Variants in SEMA3E observed in about 807,000 individuals in gnomAD.
SEMA3E encodes the protein semaphorin 3E.
SEMA3E carries 49 observed loss-of-function variants against 93.6 expected under a neutral mutation model. The ratio of observed to expected loss-of-function variants is 0.52; its 90% CI spans 0.42 to 0.66. SEMA3E has a LOEUF of 0.66. Ranked by LOEUF, SEMA3E falls within the 30% of genes least tolerant of loss-of-function variation. SEMA3E has a pLI of 0.00. For missense variants in SEMA3E, 906 were observed against 964.8 expected (o/e 0.94, Z 0.81); for synonymous variants, 363 against 330.7 (o/e 1.10, Z -1.06).
chr7:83,454,590 G>A (rs1789443897), intron 4 of SEMA3E, among the ~76,000 whole-genome samples: 1 of 151,804 alleles, frequency 6.6e-6, no homozygotes, highest in African/African-American at 2.4e-5. Context: ...ATATCCCAAT[G>A]AGTTTACTTT....
intron 1 of SEMA3E, among the ~76,000 whole-genome samples, chr7:83,633,649 A>T (rs944583835): frequency 2.6e-5 from 4 of 152,198 alleles, no homozygotes; most frequent in Non-Finnish European, 5.9e-5. Flanking sequence ...TTAGATGCCA[A>T]AGTAAGCCAA....
At chr7:83,637,658 GC>G (rs1276291985) in intron 1 of SEMA3E, among the ~76,000 whole-genome samples, 1 of 152,056 alleles carries the variant, frequency 6.6e-6, no homozygotes, top group Admixed American at 6.6e-5. Flanking sequence ...TTCTTCTGCT[GC>G]CATATGAGGA....
At chr7:83,559,809 A>C (rs1331230561) in intron 1 of SEMA3E, among the ~76,000 whole-genome samples, 3 of 152,082 alleles carry the variant, frequency 2.0e-5, no homozygotes, top group Non-Finnish European at 4.4e-5. Context: ...AAAACTTGGA[A>C]ACAATCAAAA....
intron 1 of SEMA3E, among the ~76,000 whole-genome samples, chr7:83,633,979 A>G (rs1382326240): frequency 6.6e-6 from 1 of 152,156 alleles, no homozygotes; most frequent in East Asian, 1.9e-4. Context: ...CAAAACAACC[A>G]ATGGCAATTT....
chr7:83,616,629 C>T (rs1447288973), intron 1 of SEMA3E: 2 of 400,462 alleles, frequency 5.0e-6, no homozygotes, highest in African/African-American at 2.2e-5. Flanking sequence ...CTTGAGCCTG[C>T]AGTTTCCTCC....
chr7:83,637,801 T>A (rs1052054582), intron 1 of SEMA3E, among the ~76,000 whole-genome samples: 1 of 151,498 alleles, frequency 6.6e-6, no homozygotes, highest in African/African-American at 2.4e-5. Flanking sequence ...TTTTTTTTTT[T>A]TTTTTCATTC....
intron 1 of SEMA3E, among the ~76,000 whole-genome samples, chr7:83,538,055 A>G (rs1791441157): frequency 6.6e-6 from 1 of 151,986 alleles, no homozygotes; most frequent in South Asian, 2.1e-4. Flanking sequence ...ATCAGCATGT[A>G]CTCATTTCAT....
At chr7:83,413,180 C>A (rs1788475214) in intron 5 of SEMA3E, among the ~76,000 whole-genome samples, 1 of 151,938 alleles carries the variant, frequency 6.6e-6, no homozygotes, top group African/African-American at 2.4e-5. Flanking sequence ...CATTGCATTG[C>A]CTTAATATTT....
At chr7:83,479,759 G>T (rs533879541) in intron 2 of SEMA3E, among the ~76,000 whole-genome samples, 32 of 152,274 alleles carry the variant, frequency 2.1e-4, no homozygotes, top group Non-Finnish European at 3.5e-4. Context: ...GTTCAGATGG[G>T]AGCCCTAACA....
At chr7:83,545,473 T>C (rs1264672784) in intron 1 of SEMA3E, among the ~76,000 whole-genome samples, 2 of 151,302 alleles carry the variant, frequency 1.3e-5, no homozygotes, top group African/African-American at 4.9e-5. Context: ...TTTATTAAAC[T>C]TGTAGTTTTA....
intron 1 of SEMA3E, among the ~76,000 whole-genome samples, chr7:83,581,303 C>G (rs948442305): frequency 7.2e-5 from 11 of 151,986 alleles, no homozygotes; most frequent in African/African-American, 2.7e-4. Flanking sequence ...GGTCCACACA[C>G]AATTGCAGCA....
chr7:83,475,548 G>A (rs1024181504), intron 2 of SEMA3E, among the ~76,000 whole-genome samples: 2 of 152,194 alleles, frequency 1.3e-5, no homozygotes, highest in East Asian at 1.9e-4. Context: ...GGTGTGACAC[G>A]TATCCACTGA....
intron 1 of SEMA3E, among the ~76,000 whole-genome samples, chr7:83,606,930 C>G (rs1223359851): frequency 2.0e-5 from 3 of 152,112 alleles, no homozygotes; most frequent in East Asian, 3.9e-4. Flanking sequence ...AAAATACTAT[C>G]ATTTCACAAT....
intron 1 of SEMA3E, among the ~76,000 whole-genome samples, chr7:83,507,795 TA>T (rs1239806991): frequency 6.6e-5 from 10 of 150,588 alleles, no homozygotes; most frequent in African/African-American, 1.2e-4. Context: ...AAATAAAAAA[TA>T]AAAAAAATGC....
chr7:83,470,531 T>C (rs74664053), intron 2 of SEMA3E, among the ~76,000 whole-genome samples: 109 of 152,296 alleles, frequency 7.2e-4, no homozygotes, highest in Admixed American at 1.6e-3. Context: ...TAATTCATTT[T>C]CATCAACACT....
intron 1 of SEMA3E, among the ~76,000 whole-genome samples, chr7:83,602,596 G>A (rs1793020140): frequency 6.6e-6 from 1 of 151,880 alleles, no homozygotes; most frequent in African/African-American, 2.4e-5. Context: ...TCCTGCCTCA[G>A]CCTCCCAAGT....
intron 2 of SEMA3E, among the ~76,000 whole-genome samples, chr7:83,473,068 C>A (rs1173034745): frequency 6.6e-6 from 1 of 152,172 alleles, no homozygotes; most frequent in Non-Finnish European, 1.5e-5. Context: ...TTGTTTATAG[C>A]AGTATGAAAA....
chr7:83,465,256 C>T (rs559451791), intron 4 of SEMA3E, among the ~76,000 whole-genome samples: 20 of 152,012 alleles, frequency 1.3e-4, no homozygotes, highest in Non-Finnish European at 2.9e-4. Context: ...TCCTGTAAAA[C>T]GGCCCCACCC....
At chr7:83,462,839 G>T (rs1419245727) in intron 4 of SEMA3E, among the ~76,000 whole-genome samples, 2 of 135,644 alleles carry the variant, frequency 1.5e-5, no homozygotes, top group African/African-American at 5.4e-5. Context: ...TGTCCACCCC[G>T]TGGTGCCAAA....
Sources: gnomAD v4.1 joint callset for allele counts (sites outside exome capture counted in the v4.1 genomes callset) on GRCh38, gnomAD v4.1.1 for gene constraint, MANE v1.5 for transcripts, NCBI Gene and HGNC (gene_info 2026-07-23, HGNC 2026-07-21) for gene names.